The following THTPA variants were observed in gnomAD, a reference collection of about 807,000 sequenced individuals.
THTPA encodes the protein thiamine-triphosphatase.
In THTPA, 16 loss-of-function variants were observed where a neutral mutation model predicts 16.5. The ratio of observed to expected loss-of-function variants is 0.97; its 90% CI spans 0.66 to 1.47. The LOEUF is 1.47. Among genes scored for constraint, THTPA ranks in the 40% most tolerant of loss-of-function variants. The pLI is 0.00. For missense variants in THTPA, 281 were observed against 280.9 expected (o/e 1.00, Z 0.00); for synonymous variants, 110 against 115.5 (o/e 0.95, Z 0.30).
chr14:23,558,853 C>G lies in THTPA; in HGVS notation c.*13C>G, dbSNP rs767772117. ...CTGCCTGGGCTAGGGGTGTCACTTC[C>G]TAGAAGGGGAAGGGAACTCTGGGTC... On this transcript the variant is annotated 3_prime_UTR_variant, in exon 2 of 2. Coordinates refer to ENST00000288014, the MANE Select transcript of THTPA (RefSeq NM_024328.6). 1 of 1,613,602 alleles carries G rather than the reference C, an allele frequency of 6.2e-7. No individual in the cohort carries two copies. The highest frequency in any genetic ancestry group is 8.5e-7 in the Non-Finnish European group (1 of 1,179,756).
the THTPA span, chr14:23,530,003 T>C: frequency 1.0e-4 from 118 of 1,155,538 alleles, no homozygotes; most frequent in Non-Finnish European, 3.7e-5. Context: ...TGATGAGCCC[T>C]TTCTTTAATC....
the THTPA span, among the ~76,000 whole-genome samples, chr14:23,537,744 G>A: frequency 5.3e-5 from 8 of 152,174 alleles, no homozygotes; most frequent in African/African-American, 1.9e-4. Context: ...TCAAGTTGAG[G>A]GAGAAAGGTA....
At chr14:23,526,105 G>C in the THTPA span, 2 of 1,536,346 alleles carry the variant, frequency 1.3e-6, no homozygotes, top group African/African-American at 2.7e-5. Flanking sequence ...AATCAGTCTT[G>C]GTTCCCCGAG....
chr14:23,529,750 T>C, the THTPA span: 1 of 1,536,292 alleles, frequency 6.5e-7, no homozygotes, highest in African/African-American at 1.4e-5. Context: ...GCCAGTCTTG[T>C]TTTCTGTCTC....
chr14:23,560,103 C>T lies in THTPA; in HGVS notation c.*1263C>T, dbSNP rs538001486. 1.4e-6 allele frequency: 2 copies of T among 1,394,798 alleles called. No individual in the cohort carries two copies. The highest frequency in any genetic ancestry group is 2.4e-5 in the East Asian group (1 of 42,118). 86.4% of individuals were successfully genotyped at this position (1,394,798 alleles called of 1,614,324 possible). ...AGGGCTCAGGCAGCCCCTCTATACT[C>T]AGTGGCTCCACACCCTTTTCCTGTA... On this transcript the variant is annotated 3_prime_UTR_variant, in exon 2 of 2. Coordinates refer to ENST00000288014, the MANE Select transcript of THTPA (RefSeq NM_024328.6).
At chr14:23,530,256 G>A in the THTPA span, 7 of 1,275,280 alleles carry the variant, frequency 5.5e-6, no homozygotes, top group Non-Finnish European at 6.6e-6. Context: ...GGAGGACATA[G>A]GACAGAGGAA....
the THTPA span, chr14:23,525,922 G>A: frequency 6.8e-6 from 10 of 1,472,884 alleles, no homozygotes; most frequent in South Asian, 9.6e-5. The surrounding 1 kb of genome is among the most constrained non-coding windows in gnomAD (Gnocchi z 5.9). Flanking sequence ...CTGGTGGGGT[G>A]AAGAGAGGGG....
upstream of THTPA, among the ~76,000 whole-genome samples, chr14:23,554,934 AT>A (rs1882239019): frequency 6.6e-6 from 1 of 152,126 alleles, no homozygotes; most frequent in Non-Finnish European, 1.5e-5. Context: ...AATCATCTCT[AT>A]TAATATTTTG....
At chr14:23,522,081 T>C in the THTPA span, 12 of 1,536,098 alleles carry the variant, frequency 7.8e-6, no homozygotes, top group African/African-American at 1.4e-5. Flanking sequence ...GCGTTGGTGA[T>C]GGAGATGGGT....
the THTPA span, among the ~76,000 whole-genome samples, chr14:23,516,173 A>T: frequency 6.6e-6 from 1 of 152,208 alleles, no homozygotes; most frequent in Non-Finnish European, 1.5e-5. Context: ...AGTTGGTCTT[A>T]GGTGTGGTCC....
chr14:23,527,819 T>A, the THTPA span: 1 of 1,534,210 alleles, frequency 6.5e-7, no homozygotes, highest in Non-Finnish European at 8.7e-7. Flanking sequence ...AGGGAACATA[T>A]GGGCAGTGGA....
chr14:23,526,254 C>T, the THTPA span: 3 of 1,536,302 alleles, frequency 2.0e-6, no homozygotes, highest in Non-Finnish European at 2.6e-6. Flanking sequence ...TCTCCCCGTG[C>T]AGGGGCAGAG....
chr14:23,530,075 G>A, the THTPA span: 90 of 1,476,626 alleles, frequency 6.1e-5, no homozygotes, highest in Admixed American at 3.1e-4. Context: ...TCCCGTGAGC[G>A]TCTCAGAAGG....
chr14:23,512,491 G>A, the THTPA span, among the ~76,000 whole-genome samples: 2 of 151,680 alleles, frequency 1.3e-5, no homozygotes, highest in Non-Finnish European at 2.9e-5. Context: ...ACAACCACAG[G>A]CGCAGAGAGA....
the THTPA span, chr14:23,529,754 C>T: frequency 2.0e-6 from 3 of 1,536,306 alleles, no homozygotes; most frequent in Non-Finnish European, 2.6e-6. Context: ...GTCTTGTTTT[C>T]TGTCTCTTCT....
the THTPA span, chr14:23,525,670 A>G: frequency 1.3e-6 from 2 of 1,534,676 alleles, no homozygotes; most frequent in South Asian, 2.4e-5. The surrounding 1 kb of genome is among the most constrained non-coding windows in gnomAD (Gnocchi z 5.9). Flanking sequence ...GGGGTGAGGA[A>G]GGCCCTGCCT....
At chr14:23,541,287 ATTTT>A in the THTPA span, among the ~76,000 whole-genome samples, 2 of 130,064 alleles carry the variant, frequency 1.5e-5, no homozygotes, top group Non-Finnish European at 1.6e-5. Flanking sequence ...GATGGACAGG[ATTTT>A]TTTTTTTTTT....
chr14:23,558,999 C>G lies in THTPA; in HGVS notation c.*159C>G. On this transcript the variant is annotated 3_prime_UTR_variant, in exon 2 of 2. Coordinates refer to ENST00000288014, the MANE Select transcript of THTPA (RefSeq NM_024328.6). ...TCCTCTAAGCTACTCTTCCTTGAGCCCTCCCTGGCTGCTTCCTCTCGCTCA... is the reference window on the plus strand; with the variant it reads ...TCCTCTAAGCTACTCTTCCTTGAGCGCTCCCTGGCTGCTTCCTCTCGCTCA... 1.1e-6 allele frequency: 1 copy of G among 880,486 alleles called. No individual in the cohort carries two copies. The highest frequency in any genetic ancestry group is 1.7e-6 in the Non-Finnish European group (1 of 591,620). 54.5% of individuals were successfully genotyped at this position (880,486 alleles called of 1,614,324 possible).
upstream of THTPA, among the ~76,000 whole-genome samples, chr14:23,552,813 G>C (rs1483527927): frequency 6.6e-6 from 1 of 151,934 alleles, no homozygotes; most frequent in Non-Finnish European, 1.5e-5. Context: ...TCTTAGCCAG[G>C]CTGGTCTCGA....
Sources: allele counts gnomAD v4.1 joint callset (sites outside exome capture counted in the v4.1 genomes callset), GRCh38; gene constraint gnomAD v4.1.1; non-coding constraint Gnocchi (gnomAD v3.1); transcripts MANE v1.5; gene names NCBI Gene and HGNC (gene_info 2026-07-23, HGNC 2026-07-21).